The following B3GALT1 variants were observed in gnomAD, a reference collection of about 807,000 sequenced individuals.
B3GALT1 encodes the protein beta-1,3-galactosyltransferase 1.
In B3GALT1, 10 loss-of-function variants were observed where a neutral mutation model predicts 23.2. The ratio of observed to expected loss-of-function variants is 0.43; its 90% CI spans 0.27 to 0.73. The LOEUF is 0.73. Among genes scored for constraint, B3GALT1 ranks in the 30% least tolerant of loss-of-function variants. The pLI is 0.21. For missense variants in B3GALT1, 299 were observed against 405.4 expected, an observed-to-expected ratio of 0.74 and a Z score of 2.25; for synonymous variants, 156 against 141.5, an observed-to-expected ratio of 1.10 and a Z score of -0.73.
rs1445937727 is a variant in B3GALT1, at chr2:167,871,224, A to C, written c.*1204A>C. Reference sequence around the variant, plus strand: ...CGTAATCTTGTGCTTCAATGTGTTCATTTATAAAAATGGCTGTAAAAAACA... The same window carrying C: ...CGTAATCTTGTGCTTCAATGTGTTCCTTTATAAAAATGGCTGTAAAAAACA... On this transcript the variant is annotated 3_prime_UTR_variant, in exon 5 of 5. Coordinates refer to ENST00000392690, the MANE Select transcript of B3GALT1 (RefSeq NM_020981.4). 6.6e-6 allele frequency: 1 copy of C among 152,158 alleles called. No individual in the cohort carries two copies. The highest frequency in any genetic ancestry group is 1.5e-5 in the Non-Finnish European group (1 of 68,034). The allele number at this position is 152,158 out of a possible 1,614,324, so 9.4% of individuals were successfully genotyped here.
chr2:167,545,329 C>T (rs114596324), intron 2 of B3GALT1, among the ~76,000 whole-genome samples: 6,780 of 152,112 alleles, frequency 0.045, 297 homozygotes, highest in African/African-American at 0.12. Context: ...GCCACCGGCC[C>T]GGTGTGCCTT....
chr2:167,822,011 C>T (rs977869642), intron 4 of B3GALT1, among the ~76,000 whole-genome samples: 2 of 152,196 alleles, frequency 1.3e-5, no homozygotes, highest in Non-Finnish European at 2.9e-5. Flanking sequence ...ATATGCATTA[C>T]TGTTCCCCTA....
At chr2:167,611,569 A>G (rs558742354) in intron 2 of B3GALT1, among the ~76,000 whole-genome samples, 2 of 152,162 alleles carry the variant, frequency 1.3e-5, no homozygotes, top group South Asian at 4.1e-4. Flanking sequence ...ATATAAGTAT[A>G]AAGATTATTT....
chr2:167,533,284 G>A (rs183461115), intron 2 of B3GALT1, among the ~76,000 whole-genome samples: 72 of 151,866 alleles, frequency 4.7e-4, no homozygotes, highest in African/African-American at 1.5e-3. Context: ...TCACCATTAC[G>A]TTACCTGTAG....
chr2:167,461,654 T>C (rs1699260613), intron 1 of B3GALT1, among the ~76,000 whole-genome samples: 1 of 152,186 alleles, frequency 6.6e-6, no homozygotes, highest in African/African-American at 2.4e-5. Context: ...AAGCATTATG[T>C]TTAGTCAAAT....
chr2:167,667,774 C>T (rs952910092), intron 3 of B3GALT1, among the ~76,000 whole-genome samples: 4 of 152,194 alleles, frequency 2.6e-5, no homozygotes, highest in African/African-American at 9.7e-5. Flanking sequence ...TCACGTAGTT[C>T]TCGAGCCTTG....
At chr2:167,841,758 A>C (rs1457097400) in intron 4 of B3GALT1, among the ~76,000 whole-genome samples, 1 of 152,222 alleles carries the variant, frequency 6.6e-6, no homozygotes, top group African/African-American at 2.4e-5. Flanking sequence ...AAGATACTAG[A>C]AATCAGAATG....
At chr2:167,471,653 A>G (rs1031477760) in intron 1 of B3GALT1, among the ~76,000 whole-genome samples, 2 of 152,220 alleles carry the variant, frequency 1.3e-5, no homozygotes, top group Non-Finnish European at 2.9e-5. Context: ...AAGATTATTC[A>G]ACAGTATAAA....
chr2:167,332,242 A>G (rs904947589), intron 1 of B3GALT1, among the ~76,000 whole-genome samples: 5 of 152,170 alleles, frequency 3.3e-5, no homozygotes, highest in Non-Finnish European at 5.9e-5. Flanking sequence ...TCCTGCAATG[A>G]GGAGTCTCTC....
intron 2 of B3GALT1, among the ~76,000 whole-genome samples, chr2:167,504,317 T>C (rs1194753669): frequency 1.3e-5 from 2 of 152,214 alleles, no homozygotes; most frequent in Non-Finnish European, 2.9e-5. Flanking sequence ...GCCTAGAGTC[T>C]ATAGCCTAGA....
At chr2:167,500,239 A>G (rs535010513) in intron 2 of B3GALT1, among the ~76,000 whole-genome samples, 2 of 152,246 alleles carry the variant, frequency 1.3e-5, no homozygotes, top group East Asian at 3.9e-4. Context: ...CAAATTGAAA[A>G]CCAGATGGGC....
chr2:167,521,303 G>T (rs1017104339), intron 2 of B3GALT1, among the ~76,000 whole-genome samples: 1 of 152,070 alleles, frequency 6.6e-6, no homozygotes, highest in African/African-American at 2.4e-5. Flanking sequence ...GTGAGTGAAA[G>T]TTTTTTGTAG....
intron 1 of B3GALT1, among the ~76,000 whole-genome samples, chr2:167,443,380 A>G (rs564306303): frequency 1.3e-5 from 2 of 152,276 alleles, no homozygotes; most frequent in Admixed American, 6.5e-5. Context: ...TTCCATATGA[A>G]CTTTAAAGTA....
intron 2 of B3GALT1, among the ~76,000 whole-genome samples, chr2:167,570,884 T>A (rs1242693691): frequency 6.6e-6 from 1 of 151,990 alleles, no homozygotes; most frequent in Non-Finnish European, 1.5e-5. Context: ...CTTGAGGACA[T>A]CATGCAGTTA....
At chr2:167,564,196 G>A (rs7601150) in intron 2 of B3GALT1, among the ~76,000 whole-genome samples, 52,910 of 149,590 alleles carry the variant, frequency 0.35, 10,249 homozygotes, top group East Asian at 0.85. Flanking sequence ...CGGGGCGGCC[G>A]GGCAGAGACG....
intron 1 of B3GALT1, among the ~76,000 whole-genome samples, chr2:167,311,193 G>A (rs1188793415): frequency 6.6e-6 from 1 of 152,088 alleles, no homozygotes; most frequent in Non-Finnish European, 1.5e-5. Flanking sequence ...ATATGCTATA[G>A]TTATACACAG....
At chr2:167,560,694 CAA>C (rs1248604974) in intron 2 of B3GALT1, among the ~76,000 whole-genome samples, 1 of 151,642 alleles carries the variant, frequency 6.6e-6, no homozygotes, top group East Asian at 1.9e-4. Context: ...CAACAAAGAT[CAA>C]AAGAGACAAA....
intron 1 of B3GALT1, among the ~76,000 whole-genome samples, chr2:167,344,901 A>G (rs971343344): frequency 6.6e-6 from 1 of 152,202 alleles, no homozygotes; most frequent in Non-Finnish European, 1.5e-5. Context: ...GACTAAAGGT[A>G]TTAAGCAAGA....
intron 2 of B3GALT1, among the ~76,000 whole-genome samples, chr2:167,595,487 A>G (rs1684760249): frequency 6.7e-6 from 1 of 150,302 alleles, no homozygotes; most frequent in South Asian, 2.2e-4. Context: ...CTTCCTCCAC[A>G]TGTGTGTATG....
Sources: allele counts gnomAD v4.1 joint callset (sites outside exome capture counted in the v4.1 genomes callset), GRCh38; gene constraint gnomAD v4.1.1; transcripts MANE v1.5; gene names NCBI Gene and HGNC (gene_info 2026-07-23, HGNC 2026-07-21).